Variants in OPCML observed in about 807,000 individuals in gnomAD.
The protein encoded by OPCML is opioid binding protein/cell adhesion molecule like.
Under a neutral mutation model 37.8 loss-of-function variants are expected in OPCML, and 13 were observed. The observed-to-expected ratio is 0.34, with a 90% CI of 0.22 to 0.55. OPCML has a LOEUF of 0.55. Among genes scored for constraint, OPCML ranks in the 20% least tolerant of loss-of-function variants. OPCML has a pLI of 0.91. For synonymous variants in OPCML, 176 were observed against 168.8 expected (o/e 1.04, Z -0.33); for missense variants, 341 against 435.6 (o/e 0.78, Z 1.93).
chr11:132,565,510 C>G (rs2096420508), intron 3 of OPCML, among the ~76,000 whole-genome samples: 1 of 152,180 alleles, frequency 6.6e-6, no homozygotes. Context: ...CTCAGCGGCT[C>G]TCCTGCTCAG....
intron 1 of OPCML, among the ~76,000 whole-genome samples, chr11:133,256,594 T>C (rs943118270): frequency 6.6e-6 from 1 of 152,228 alleles, no homozygotes; most frequent in Non-Finnish European, 1.5e-5. Flanking sequence ...TTTTACGTGA[T>C]ATGTGGTGGG....
chr11:132,459,531 A>G (rs2096093798), intron 4 of OPCML, among the ~76,000 whole-genome samples: 1 of 148,724 alleles, frequency 6.7e-6, no homozygotes. Flanking sequence ...ATATACACAC[A>G]TATACATATA....
intron 1 of OPCML, among the ~76,000 whole-genome samples, chr11:133,434,666 T>A (rs1239220956): frequency 6.6e-6 from 1 of 151,778 alleles, no homozygotes; most frequent in Non-Finnish European, 1.5e-5. Flanking sequence ...CAAACTTTGG[T>A]TCTTCCAATG....
intron 1 of OPCML, among the ~76,000 whole-genome samples, chr11:133,394,215 T>C (rs1478070393): frequency 6.6e-6 from 1 of 152,216 alleles, no homozygotes; most frequent in Non-Finnish European, 1.5e-5. Context: ...GTTGCCAAAT[T>C]ATGTTAACAA....
chr11:132,800,303 T>A (rs1938570362), intron 2 of OPCML, among the ~76,000 whole-genome samples: 1 of 152,242 alleles, frequency 6.6e-6, no homozygotes, highest in Non-Finnish European at 1.5e-5. Context: ...CTAATCAAAC[T>A]TTTAATGGAT....
chr11:132,451,587 C>A (rs890391533), intron 4 of OPCML, among the ~76,000 whole-genome samples: 2 of 152,124 alleles, frequency 1.3e-5, no homozygotes, highest in Admixed American at 6.5e-5. Context: ...TCTTGACTGG[C>A]GATTCCATTC....
intron 2 of OPCML, among the ~76,000 whole-genome samples, chr11:132,682,883 C>T (rs1014035486): frequency 6.6e-6 from 1 of 152,228 alleles, no homozygotes; most frequent in Non-Finnish European, 1.5e-5. Context: ...CTTTCACGCT[C>T]TCACTTGTCA....
chr11:132,963,304 C>T lies in OPCML; in HGVS notation c.62-20294G>A, dbSNP rs149600563. On this transcript the variant is annotated intron_variant, in intron 1 of 7. Transcript: ENST00000524381. The stretch of plus-strand genomic sequence containing the variant: ...ACCACAAATTGTCTTCAAATACTGA[C>T]AGGTGGGCTGGGCACGGTGGCTCAC... 1.1e-3 allele frequency among the ~76,000 whole-genome samples: 162 copies of T among 151,924 alleles called. 5 individuals are homozygous for T. The East Asian group carries it at 0.028, about 26-fold the overall frequency.
At position 133,221,487 on chromosome 11, in the gene OPCML, T is replaced by G. The variant is rs142621913; in HGVS notation, c.62-278477A>C. Among the ~76,000 whole-genome samples the G allele has an allele frequency of 2.9e-3, 435 of 152,332 alleles. 4 individuals carry two copies. Among genetic ancestry groups the G allele is most frequent in the Middle Eastern group, 6.8e-3 (2 of 294 alleles). ...AAGGTGTCAATTTGATAGCACTTAT[T>G]CATGTGCTGGCACAGTGCCTCGTCC... is the stretch of plus-strand genomic sequence containing the variant. On this transcript the variant is annotated intron_variant, in intron 1 of 7. Transcript: ENST00000524381.
chr11:132,565,603 C>T (rs1002821722), intron 3 of OPCML, among the ~76,000 whole-genome samples: 1 of 152,196 alleles, frequency 6.6e-6, no homozygotes, highest in Non-Finnish European at 1.5e-5. Flanking sequence ...CAAACCACCC[C>T]AGTCTGCGAC....
intron 1 of OPCML, among the ~76,000 whole-genome samples, chr11:133,402,631 A>T (rs10894680): frequency 6.6e-6 from 1 of 151,434 alleles, no homozygotes; most frequent in African/African-American, 2.4e-5. Context: ...TTATAAAAGT[A>T]CCCAATCTCC....
chr11:132,894,492 T>C (rs1392078153), intron 2 of OPCML, among the ~76,000 whole-genome samples: 3 of 152,186 alleles, frequency 2.0e-5, no homozygotes, highest in African/African-American at 7.2e-5. Context: ...CTAGAGCTCT[T>C]CTGAGCAGCA....
chr11:133,330,200 G>A (rs1013995523), intron 1 of OPCML, among the ~76,000 whole-genome samples: 4 of 152,166 alleles, frequency 2.6e-5, no homozygotes, highest in Admixed American at 2.6e-4. Context: ...GTGCTGGAGA[G>A]GATGTGGAGA....
rs115225453 is a variant in OPCML, at chr11:132,527,440, G to A, written c.505+1621C>T. On this transcript the variant is annotated intron_variant, in intron 4 of 7. Transcript: ENST00000524381. ...TTAGTCTTCCTAGGGATTATATAAC[G>A]GTATCTCATCTTGGTTTGATTTTTA... Among the ~76,000 whole-genome samples the A allele has an allele frequency of 8.0e-3, 1,214 of 152,058 alleles. 20 individuals are homozygous for A. Among genetic ancestry groups the A allele is most frequent in the African/African-American group, 0.028 (1,165 of 41,488 alleles).
At chr11:132,529,305 A>C (rs2096317353) in intron 3 of OPCML, 119 bp from the exon 4 acceptor site, 2 of 1,289,374 alleles carry the variant, frequency 1.6e-6, no homozygotes, top group Non-Finnish European at 1.0e-6. Flanking sequence ...TGCAGTAATA[A>C]ATTTCAAGTT....
rs1342809556 is a variant in OPCML, at chr11:132,689,308, T to C, written c.147-31989A>G. Among the ~76,000 whole-genome samples, 5 of 152,220 alleles carry C rather than the reference T, an allele frequency of 3.3e-5. No homozygotes were observed. In the South Asian group the frequency reaches 1.0e-3, roughly 31 times the overall value. ...AGGCCCTCCTTTGTTTTCTCATTGA[T>C]TTAAAATGACAAGTTTATAAAGAGC... On this transcript the variant is annotated intron_variant, in intron 2 of 7. Coordinates refer to ENST00000524381, the MANE Select transcript of OPCML (RefSeq NM_001012393.5).
At position 132,552,195 on chromosome 11, in the gene OPCML, C is replaced by T. The variant is rs116221538; in HGVS notation, c.380-23009G>A. On this transcript the variant is annotated intron_variant, in intron 3 of 7. Coordinates refer to ENST00000524381, the MANE Select transcript of OPCML (RefSeq NM_001012393.5). Reference sequence around the variant, plus strand: ...TGTTCCCAAGTAATGCTGATGCTGCCGTTTTGGGAACCACCTTTTGAAAAC... The same window carrying T: ...TGTTCCCAAGTAATGCTGATGCTGCTGTTTTGGGAACCACCTTTTGAAAAC... Among the ~76,000 whole-genome samples the T allele has an allele frequency of 3.8e-3, 580 of 152,228 alleles. 2 individuals carry two copies. Among genetic ancestry groups the T allele is most frequent in the African/African-American group, 0.013 (529 of 41,522 alleles).
At chr11:132,476,282 C>T (rs1203511844) in intron 4 of OPCML, among the ~76,000 whole-genome samples, 5 of 152,108 alleles carry the variant, frequency 3.3e-5, no homozygotes, top group African/African-American at 9.6e-5. Context: ...GTCAGTGTGG[C>T]GATTCCTCAG....
chr11:132,978,786 G>A (rs192990430), intron 1 of OPCML, among the ~76,000 whole-genome samples: 2 of 152,144 alleles, frequency 1.3e-5, no homozygotes, highest in African/African-American at 4.8e-5. Flanking sequence ...TGTATAATGT[G>A]TAGATTATAC....
Sources: gnomAD v4.1 joint callset for allele counts (sites outside exome capture counted in the v4.1 genomes callset) on GRCh38, gnomAD v4.1.1 for gene constraint, MANE v1.5 for transcripts, NCBI Gene and HGNC (gene_info 2026-07-23, HGNC 2026-07-21) for gene names.